Variants in TTC27 observed in about 807,000 individuals in gnomAD.
TTC27 encodes the protein tetratricopeptide repeat protein 27.
Under a neutral mutation model 115.9 loss-of-function variants are expected in TTC27, and 79 were observed. The ratio of observed to expected loss-of-function variants is 0.68; its 90% CI spans 0.57 to 0.82. The LOEUF is 0.82. TTC27 is among the 40% of genes least tolerant of loss of function. The probability of loss-of-function intolerance (pLI) is 0.00; values close to 1 mark genes in which losing one functional copy is unlikely to be tolerated. For synonymous variants in TTC27, 401 were observed against 356.0 expected, an observed-to-expected ratio of 1.13 and a Z score of -1.42; for missense variants, 1,054 against 993.1, an observed-to-expected ratio of 1.06 and a Z score of -0.82.
In TTC27 at chr2:32,771,871, G is replaced by C. The variant is rs553462356; in HGVS notation, c.1681-6011G>C. 5.9e-5 allele frequency among the ~76,000 whole-genome samples: 9 copies of C among 152,280 alleles called. No individual in the cohort carries two copies. The South Asian group carries it at 1.9e-3, about 32-fold the overall frequency. Reference sequence around the variant, plus strand: ...TTGGGGTCACAGAAATCAGGCAGGGGTACAGAAAGAGTGGAGAGTGTGGTA... The same window carrying C: ...TTGGGGTCACAGAAATCAGGCAGGGCTACAGAAAGAGTGGAGAGTGTGGTA... On this transcript the variant is annotated intron_variant, in intron 13 of 19. Coordinates refer to ENST00000317907, the MANE Select transcript of TTC27 (RefSeq NM_017735.5).
chr2:32,787,650 T>C (rs1670393825), intron 16 of TTC27, among the ~76,000 whole-genome samples: 1 of 152,132 alleles, frequency 6.6e-6, no homozygotes, highest in South Asian at 2.1e-4. Flanking sequence ...CCAGAAAGTA[T>C]GGGAGATTCA....
intron 10 of TTC27, among the ~76,000 whole-genome samples, chr2:32,711,139 AG>A (rs371933590): frequency 3.0e-4 from 42 of 141,582 alleles, no homozygotes; most frequent in African/African-American, 8.5e-4. Flanking sequence ...AAAAAAAAAA[AG>A]AAGAAGAAGA....
chr2:32,814,306 G>T (rs1296956532), intron 18 of TTC27, among the ~76,000 whole-genome samples: 1 of 152,144 alleles, frequency 6.6e-6, no homozygotes, highest in Admixed American at 6.5e-5. Flanking sequence ...CTTCATCAGG[G>T]CAATACTTGG....
intron 4 of TTC27, among the ~76,000 whole-genome samples, chr2:32,649,004 C>G (rs1187181129): frequency 6.6e-6 from 1 of 151,990 alleles, no homozygotes; most frequent in Non-Finnish European, 1.5e-5. Context: ...AGAGTCAGAC[C>G]TTGCCTCAAA....
intron 10 of TTC27, among the ~76,000 whole-genome samples, chr2:32,715,824 T>C (rs1444929242): frequency 2.0e-5 from 3 of 152,038 alleles, no homozygotes; most frequent in Admixed American, 1.3e-4. Flanking sequence ...CTGAGGCTCG[T>C]ACTTGTGTTT....
intron 9 of TTC27, among the ~76,000 whole-genome samples, chr2:32,689,307 A>G (rs751504144): frequency 6.6e-6 from 1 of 152,150 alleles, no homozygotes; most frequent in Non-Finnish European, 1.5e-5. Flanking sequence ...GGTTTTATTC[A>G]TCTGTCATAT....
intron 9 of TTC27, among the ~76,000 whole-genome samples, chr2:32,700,914 T>A (rs1667162942): frequency 6.6e-6 from 1 of 152,214 alleles, no homozygotes; most frequent in African/African-American, 2.4e-5. Context: ...TTAGTTTTTT[T>A]AATGTCTTCT....
intron 16 of TTC27, among the ~76,000 whole-genome samples, chr2:32,792,291 G>A (rs1358764275): frequency 1.3e-5 from 2 of 152,186 alleles, no homozygotes; most frequent in Non-Finnish European, 2.9e-5. Flanking sequence ...GAGAAGAGGA[G>A]AGAATGGATA....
At chr2:32,630,165 G>T (rs1249752157) in intron 1 of TTC27, among the ~76,000 whole-genome samples, 2 of 152,174 alleles carry the variant, frequency 1.3e-5, no homozygotes, top group Non-Finnish European at 2.9e-5. Flanking sequence ...GAGGTAGAAA[G>T]AACCAGATTG....
chr2:32,709,635 T>C (rs1439536320), intron 10 of TTC27, among the ~76,000 whole-genome samples: 1 of 152,106 alleles, frequency 6.6e-6, no homozygotes, highest in Non-Finnish European at 1.5e-5. Context: ...TGGGCTGAAA[T>C]GGCTGGACCT....
chr2:32,766,386 T>C (rs79420221), intron 13 of TTC27: 28,927 of 248,706 alleles, frequency 0.12, 2,172 homozygotes, highest in African/African-American at 0.22. Flanking sequence ...AAGTAGGGTA[T>C]GTGTGACTCT....
intron 9 of TTC27, among the ~76,000 whole-genome samples, chr2:32,686,933 C>T (rs1053424270): frequency 6.6e-6 from 1 of 152,152 alleles, no homozygotes; most frequent in Non-Finnish European, 1.5e-5. Context: ...CAACCTCTAC[C>T]TCCTGGGTTC....
At chr2:32,724,876 AG>A (rs375314634) in intron 10 of TTC27, among the ~76,000 whole-genome samples, 10 of 152,234 alleles carry the variant, frequency 6.6e-5, no homozygotes, top group African/African-American at 2.2e-4. Context: ...TACAGGAAAA[AG>A]GGTATAATGG....
At chr2:32,658,468 C>T (rs1301237121) in intron 5 of TTC27, among the ~76,000 whole-genome samples, 1 of 152,182 alleles carries the variant, frequency 6.6e-6, no homozygotes, top group African/African-American at 2.4e-5. Context: ...TCCAATACAT[C>T]ATTGTGAGAA....
At chr2:32,629,029 G>A (rs1339607190) in intron 1 of TTC27, among the ~76,000 whole-genome samples, 1 of 151,994 alleles carries the variant, frequency 6.6e-6, no homozygotes, top group Non-Finnish European at 1.5e-5. Flanking sequence ...CAAAGTGCTG[G>A]GATTACAGGC....
intron 4 of TTC27, among the ~76,000 whole-genome samples, chr2:32,647,408 G>T: frequency 6.6e-6 from 1 of 152,120 alleles, no homozygotes; most frequent in South Asian, 2.1e-4. Context: ...ATAGTGATAG[G>T]AAAAGAATGA....
intron 10 of TTC27, among the ~76,000 whole-genome samples, chr2:32,714,410 G>A (rs113015339): frequency 0.12 from 18,325 of 151,950 alleles, 1,521 homozygotes; most frequent in African/African-American, 0.24. Context: ...TGCTTACCTC[G>A]GCCTCCCAAA....
chr2:32,789,120 A>T (rs1264296252), intron 16 of TTC27, among the ~76,000 whole-genome samples: 2 of 152,186 alleles, frequency 1.3e-5, no homozygotes, highest in Admixed American at 1.3e-4. Flanking sequence ...CAAAATAACT[A>T]TTCAAAGATT....
At chr2:32,812,470 G>T in intron 17 of TTC27, 34 bp from the exon 18 acceptor site, 2 of 1,462,926 alleles carry the variant, frequency 1.4e-6, no homozygotes, top group Non-Finnish European at 9.6e-7. Context: ...AATTCTACTT[G>T]TTATTCTGAA....
Sources: allele counts gnomAD v4.1 joint callset (sites outside exome capture counted in the v4.1 genomes callset), GRCh38; gene constraint gnomAD v4.1.1; transcripts MANE v1.5; gene names NCBI Gene and HGNC (gene_info 2026-07-23, HGNC 2026-07-21).